OR1D2: variants seen among roughly 807,000 people sequenced by gnomAD.
The protein encoded by OR1D2 is olfactory receptor family 1 subfamily D member 2, also known as olfactory receptor 1D2.
For synonymous variants in OR1D2, 157 were observed against 153.9 expected (o/e 1.02, Z -0.15); for missense variants, 357 against 376.1 (o/e 0.95, Z 0.42).
chr17:3,096,102 TAAAG>T (rs1261048378), intron 1 of OR1D2, among the ~76,000 whole-genome samples: 1 of 151,970 alleles, frequency 6.6e-6, no homozygotes, highest in Non-Finnish European at 1.5e-5. Flanking sequence ...AAAAAATTAT[TAAAG>T]AAATTAAAAT....
Position 3,090,175 on chromosome 17 carries a change from G to A in OR1D2, c.*1883C>T, listed in dbSNP as rs1370350781. On this transcript the variant is annotated 3_prime_UTR_variant, in exon 2 of 2. Coordinates refer to ENST00000641833, the MANE Select transcript of OR1D2 (RefSeq NM_002548.3). ...CTTTTTCCATTTGTTTCTCTTACTA[G>A]TACTTTCAAATGACCTGTTTTTGAG... The A allele has an allele frequency of 6.6e-6, 1 of 152,012 alleles. No homozygotes were observed. The highest frequency in any genetic ancestry group is 1.5e-5 in the Non-Finnish European group (1 of 68,022). 9.4% of individuals were successfully genotyped at this position (152,012 alleles called of 1,614,324 possible). A position where few individuals can be genotyped will look rare whatever the true frequency, so the allele number is the denominator to read the frequency against.
chr17:3,095,782 C>T (rs2047842038), intron 1 of OR1D2, among the ~76,000 whole-genome samples: 1 of 151,752 alleles, frequency 6.6e-6, no homozygotes, highest in Non-Finnish European at 1.5e-5. Context: ...TCGTTGAGGC[C>T]ATAGCATATA....
At position 3,091,970 on chromosome 17, in the gene OR1D2, C is replaced by A; in HGVS notation, c.*88G>T. 1.0e-6 allele frequency: 1 copy of A among 971,672 alleles called. No individual in the cohort carries two copies. 60.2% of individuals were successfully genotyped at this position (971,672 alleles called of 1,614,324 possible). ...CTCTGAGCTGGAGCCATGTCCCAAT[C>A]ACTGCTGTATAACACACAGGACAAT... On this transcript the variant is annotated 3_prime_UTR_variant, in exon 2 of 2. Coordinates refer to ENST00000641833, the MANE Select transcript of OR1D2 (RefSeq NM_002548.3).
At position 3,093,038 on chromosome 17, in the gene OR1D2, C is replaced by T; in HGVS notation, c.-42G>A. On this transcript the variant is annotated 5_prime_UTR_variant, in exon 2 of 2. Transcript: ENST00000641833. ...TAACATTAACACCAGCAAATGTTTA[C>T]CAAAAGTCCTTAATTGAATAAAAAC... is the stretch of plus-strand genomic sequence containing the variant. 2 of 1,557,388 alleles carry T rather than the reference C, an allele frequency of 1.3e-6. No individual in the cohort carries two copies. Among genetic ancestry groups the T allele is most frequent in the Non-Finnish European group, 1.8e-6 (2 of 1,137,144 alleles).
chr17:3,103,867 C>G (rs1014142298), intron 1 of OR1D2, among the ~76,000 whole-genome samples: 4 of 150,810 alleles, frequency 2.7e-5, no homozygotes, highest in Non-Finnish European at 6.0e-5. Flanking sequence ...GTCATTCTCA[C>G]AGGCTGTGAG....
In OR1D2 at chr17:3,092,390, C is replaced by T. The variant is rs1287001295; in HGVS notation, c.607G>A (p.Gly203Ser). Reference protein sequence around the residue: ...QINHTVLIATGCFIFLIPFGF... With the variant: ...QINHTVLIATSCFIFLIPFGF... ...AAGGGAATGAGGAAGATGAAGCAGC[C>T]TGTGGCAATCAGCACTGTGTGATTA... Residue 203 changes from glycine (G) to serine (S), a missense_variant, in exon 2 of 2, where the codon GGC becomes AGC. Transcript: ENST00000641833. 1.9e-6 allele frequency: 3 copies of T among 1,614,180 alleles called. No homozygotes were observed. The highest frequency in any genetic ancestry group is 2.5e-6 in the Non-Finnish European group (3 of 1,180,038).
intron 1 of OR1D2, among the ~76,000 whole-genome samples, chr17:3,098,278 G>A (rs369056872): frequency 1.8e-4 from 27 of 152,222 alleles, no homozygotes; most frequent in African/African-American, 4.6e-4. Context: ...CTCGTATCAC[G>A]TTGGTGCCCC....
rs895028506 is a variant in OR1D2, at chr17:3,090,820, A to G, written c.*1238T>C. 2.8e-5 allele frequency: 4 copies of G among 142,874 alleles called. No individual in the cohort carries two copies. The highest frequency in any genetic ancestry group is 1.0e-4 in the African/African-American group (4 of 38,806). 8.9% of individuals were successfully genotyped at this position (142,874 alleles called of 1,614,324 possible). A position where few individuals can be genotyped will look rare whatever the true frequency, so the allele number is the denominator to read the frequency against. ...ATTAAGAGCTCCCAACCATTTTCTTATTTTTTTTTTTTCTTGTTCTTAGCT... is the reference window on the plus strand; with the variant it reads ...ATTAAGAGCTCCCAACCATTTTCTTGTTTTTTTTTTTTCTTGTTCTTAGCT... On this transcript the variant is annotated 3_prime_UTR_variant, in exon 2 of 2. Coordinates refer to ENST00000641833, the MANE Select transcript of OR1D2 (RefSeq NM_002548.3).
At chr17:3,093,482 G>C (rs2047827603) in intron 1 of OR1D2, among the ~76,000 whole-genome samples, 2 of 152,164 alleles carry the variant, frequency 1.3e-5, no homozygotes, top group South Asian at 4.1e-4. Flanking sequence ...TTGAAATCAA[G>C]TCTTTCCCTG....
rs1367951941 is a variant in OR1D2 at position 3,091,372 on chromosome 17, T to C, written c.*686A>G. ...TCAAGCTTTATATATTCCTGTGCTT[T>C]CATCGTGTCTCTTTAAATACATCTA... On this transcript the variant is annotated 3_prime_UTR_variant, in exon 2 of 2. Transcript: ENST00000641833. 1.3e-5 allele frequency: 2 copies of C among 152,266 alleles called. No individual in the cohort carries two copies. Among genetic ancestry groups the C allele is most frequent in the African/African-American group, 4.8e-5 (2 of 41,466 alleles). The allele number at this position is 152,266 out of a possible 1,614,324, so 9.4% of individuals were successfully genotyped here. A position where few individuals can be genotyped will look rare whatever the true frequency, so the allele number is the denominator to read the frequency against.
chr17:3,101,047 A>G (rs1251931675), intron 1 of OR1D2, among the ~76,000 whole-genome samples: 1 of 152,146 alleles, frequency 6.6e-6, no homozygotes, highest in African/African-American at 2.4e-5. Flanking sequence ...ACCAACCAAA[A>G]AAAGCCCAGG....
intron 1 of OR1D2, among the ~76,000 whole-genome samples, chr17:3,097,990 C>G (rs1189291738): frequency 6.6e-6 from 1 of 152,190 alleles, no homozygotes; most frequent in Non-Finnish European, 1.5e-5. Flanking sequence ...AGTACAACTT[C>G]AGCCAGGGGC....
intron 1 of OR1D2, among the ~76,000 whole-genome samples, chr17:3,094,566 G>C (rs182006379): frequency 6.6e-6 from 1 of 152,124 alleles, no homozygotes; most frequent in Admixed American, 6.5e-5. Flanking sequence ...ACCCTGAATT[G>C]TTACAATAAA....
At chr17:3,093,090 CT>C in intron 1 of OR1D2, 44 bp from the exon 2 acceptor site, 1 of 1,203,590 alleles carries the variant, frequency 8.3e-7, no homozygotes, top group Non-Finnish European at 1.2e-6. Context: ...TCAACATTTT[CT>C]TAGAATTAAG....
chr17:3,093,039 C>T lies in OR1D2; in HGVS notation c.-43G>A. 6.4e-7 allele frequency: 1 copy of T among 1,554,204 alleles called. No individual in the cohort carries two copies. The highest frequency in any genetic ancestry group is 8.8e-7 in the Non-Finnish European group (1 of 1,134,154). ...AACATTAACACCAGCAAATGTTTAC[C>T]AAAAGTCCTTAATTGAATAAAAACA... On this transcript the variant is annotated 5_prime_UTR_variant, in exon 2 of 2. Transcript: ENST00000641833.
intron 1 of OR1D2, among the ~76,000 whole-genome samples, chr17:3,101,253 C>T (rs2047873688): frequency 6.6e-6 from 1 of 152,122 alleles, no homozygotes; most frequent in Non-Finnish European, 1.5e-5. Context: ...CCCTGAAGAA[C>T]ATCAATGCAA....
chr17:3,095,249 T>C (rs777050104), intron 1 of OR1D2, among the ~76,000 whole-genome samples: 10 of 151,960 alleles, frequency 6.6e-5, no homozygotes, highest in Admixed American at 2.0e-4. Context: ...GGAGAAAATC[T>C]TGAAATCAGC....
Position 3,099,092 on chromosome 17 carries a change from T to A in OR1D2, c.-51+5007A>T, listed in dbSNP as rs1035911357. On this transcript the variant is annotated intron_variant, in intron 1 of 1. Transcript: ENST00000641833. ...GGAGACAGGGAGAATGGAAACAAGCTGGAAAACACACTTCAGGATATTATC... is the reference window on the plus strand; with the variant it reads ...GGAGACAGGGAGAATGGAAACAAGCAGGAAAACACACTTCAGGATATTATC... Among the ~76,000 whole-genome samples, 24 of 152,072 alleles carry A rather than the reference T, an allele frequency of 1.6e-4. 1 individual carries two copies. Among genetic ancestry groups the A allele is most frequent in the Admixed American group, 1.4e-3 (22 of 15,274 alleles).
Position 3,097,468 on chromosome 17 carries a change from G to A in OR1D2, c.-50-4422C>T, listed in dbSNP as rs150261322. 5.0e-4 allele frequency among the ~76,000 whole-genome samples: 76 copies of A among 152,226 alleles called. No homozygotes were observed. In the East Asian group the frequency reaches 0.012, roughly 24 times the overall value. On this transcript the variant is annotated intron_variant, in intron 1 of 1. Coordinates refer to ENST00000641833, the MANE Select transcript of OR1D2 (RefSeq NM_002548.3). ...TCTAAATACGAGTCCCCACCCCCAA[G>A]CCAAGGGAGGTGGTGAGTGAGCATG... is the stretch of plus-strand genomic sequence containing the variant.
Sources: gnomAD v4.1 joint callset for allele counts (sites outside exome capture counted in the v4.1 genomes callset) on GRCh38, gnomAD v4.1.1 for gene constraint, MANE v1.5 for transcripts, NCBI Gene and HGNC (gene_info 2026-07-23, HGNC 2026-07-21) for gene names.